CFAP20DC: variants seen among roughly 807,000 people sequenced by gnomAD.
The protein encoded by CFAP20DC is protein CFAP20DC.
In CFAP20DC, 84 loss-of-function variants were observed where a neutral mutation model predicts 101.7. That is an observed-to-expected ratio of 0.83 (90% confidence interval 0.69 to 0.99). CFAP20DC has a LOEUF of 0.99. Among genes scored for constraint, CFAP20DC ranks in the 50% least tolerant of loss-of-function variants. The pLI is 0.00. For synonymous variants in CFAP20DC, 359 were observed against 351.2 expected, an observed-to-expected ratio of 1.02 and a Z score of -0.25; for missense variants, 1,007 against 970.3, an observed-to-expected ratio of 1.04 and a Z score of -0.50.
intron 4 of CFAP20DC, among the ~76,000 whole-genome samples, chr3:58,992,859 G>A (rs1187621182): frequency 1.3e-5 from 2 of 151,904 alleles, no homozygotes; most frequent in East Asian, 3.9e-4. Context: ...AAAGGGGAAA[G>A]CTTATTTTAA....
intron 6 of CFAP20DC, among the ~76,000 whole-genome samples, chr3:58,893,718 C>CT (rs1265868869): frequency 6.6e-6 from 1 of 150,378 alleles, no homozygotes; most frequent in African/African-American, 2.4e-5. Context: ...GGTACCAGCT[C>CT]TTTTTTTGTA....
chr3:58,854,585 A>G (rs1259818448), intron 12 of CFAP20DC, among the ~76,000 whole-genome samples: 1 of 152,238 alleles, frequency 6.6e-6, no homozygotes, highest in East Asian at 1.9e-4. Flanking sequence ...AGTTCAAACT[A>G]TACTACAAGG....
intron 14 of CFAP20DC, among the ~76,000 whole-genome samples, chr3:58,816,834 G>A (rs934234652): frequency 4.6e-5 from 7 of 152,124 alleles, no homozygotes; most frequent in Non-Finnish European, 1.0e-4. Context: ...ACCTCTGGGG[G>A]CAGGGCACAG....
intron 4 of CFAP20DC, among the ~76,000 whole-genome samples, chr3:59,008,557 T>C (rs980548159): frequency 1.3e-5 from 2 of 152,150 alleles, no homozygotes; most frequent in African/African-American, 4.8e-5. Flanking sequence ...ATGTCCTTTG[T>C]AGGGACATGT....
chr3:58,807,080 T>A (rs2074140186), intron 14 of CFAP20DC, among the ~76,000 whole-genome samples: 1 of 152,156 alleles, frequency 6.6e-6, no homozygotes, highest in South Asian at 2.1e-4. Context: ...TCGACCTGGG[T>A]GGAGCCCACC....
intron 16 of CFAP20DC, among the ~76,000 whole-genome samples, chr3:58,745,640 T>C (rs58756548): frequency 0.083 from 12,678 of 152,262 alleles, 912 homozygotes; most frequent in East Asian, 0.36. Flanking sequence ...CACATAGTAG[T>C]TGTTTAATAA....
At chr3:58,890,318 C>G (rs1295835905) in intron 6 of CFAP20DC, among the ~76,000 whole-genome samples, 139 of 144,192 alleles carry the variant, frequency 9.6e-4, no homozygotes, top group Non-Finnish European at 3.4e-4. Context: ...GCTGACCCCC[C>G]CACCTCCCTC....
chr3:58,829,743 CTT>C (rs1367598020), intron 14 of CFAP20DC, among the ~76,000 whole-genome samples: 1 of 152,164 alleles, frequency 6.6e-6, no homozygotes, highest in Non-Finnish European at 1.5e-5. Flanking sequence ...ATGCAGGAGA[CTT>C]CAGTCCTTGC....
chr3:58,733,953 G>A (rs1355968562), intron 3 of CFAP20DC, among the ~76,000 whole-genome samples: 1 of 152,164 alleles, frequency 6.6e-6, no homozygotes, highest in Non-Finnish European at 1.5e-5. Flanking sequence ...CATGTGATAC[G>A]GTTTTGCTGT....
At chr3:58,939,940 T>C (rs1256557314) in intron 4 of CFAP20DC, among the ~76,000 whole-genome samples, 1 of 152,058 alleles carries the variant, frequency 6.6e-6, no homozygotes, top group African/African-American at 2.4e-5. Context: ...CTAATTTTTG[T>C]ATTTTTAGTA....
intron 15 of CFAP20DC, among the ~76,000 whole-genome samples, chr3:58,798,811 C>T (rs1481247230): frequency 1.3e-5 from 2 of 152,214 alleles, no homozygotes; most frequent in Non-Finnish European, 2.9e-5. Context: ...CCAGACAAGA[C>T]CCTCCACCAG....
chr3:58,986,093 A>T (rs2092740590), intron 4 of CFAP20DC, among the ~76,000 whole-genome samples: 1 of 152,232 alleles, frequency 6.6e-6, no homozygotes, highest in Non-Finnish European at 1.5e-5. Context: ...AACTGAGCTA[A>T]TGAATATTCC....
In CFAP20DC at chr3:58,859,974, C is replaced by G. The variant is rs770378832; in HGVS notation, c.1593+3584G>C. ...CAGGCAGATCACGAGGTCAGGAGAT[C>G]GAGACCATCCTGGCCAACATGGTGA... On this transcript the variant is annotated intron_variant, in intron 12 of 16. Transcript: ENST00000482387. The surrounding 1 kb of genome is among the most constrained non-coding windows in gnomAD (Gnocchi z 4.1). Among the ~76,000 whole-genome samples, 2 of 151,818 alleles carry G rather than the reference C, an allele frequency of 1.3e-5. No homozygotes were observed. The highest frequency in any genetic ancestry group is 1.5e-5 in the Non-Finnish European group (1 of 67,954).
intron 1 of CFAP20DC, among the ~76,000 whole-genome samples, chr3:59,047,888 T>C (rs765094473): frequency 5.1e-4 from 77 of 152,202 alleles, no homozygotes; most frequent in Non-Finnish European, 9.1e-4. Context: ...AACAGTTTAG[T>C]ACTGGTCAAT....
intron 4 of CFAP20DC, among the ~76,000 whole-genome samples, chr3:59,026,898 C>T (rs1346087070): frequency 6.6e-6 from 1 of 152,168 alleles, no homozygotes; most frequent in Non-Finnish European, 1.5e-5. Flanking sequence ...GAAGCATGTC[C>T]AATTTTCCAT....
chr3:58,939,752 C>A (rs1334692634), intron 4 of CFAP20DC, among the ~76,000 whole-genome samples: 1 of 149,126 alleles, frequency 6.7e-6, no homozygotes, highest in Non-Finnish European at 1.5e-5. Flanking sequence ...GTCACCGTGC[C>A]CGGCCCATTT....
chr3:58,730,550 T>A (rs1052238508), intron 3 of CFAP20DC, among the ~76,000 whole-genome samples: 5 of 152,142 alleles, frequency 3.3e-5, no homozygotes, highest in African/African-American at 1.2e-4. Context: ...CAGTAGGATC[T>A]CCTGACCATT....
intron 4 of CFAP20DC, among the ~76,000 whole-genome samples, chr3:59,026,162 T>C (rs1348584501): frequency 1.3e-5 from 2 of 152,140 alleles, no homozygotes; most frequent in East Asian, 1.9e-4. Flanking sequence ...TTTGACATAA[T>C]TAAAATAATG....
In CFAP20DC at chr3:58,869,970, A is replaced by T. The variant is rs1410633540; in HGVS notation, c.852+203T>A. ...CGAAAATGTTAATTATGTTGATATG[A>T]CAAAAAGGAAACACTTTTGAAGTCT... is the stretch of plus-strand genomic sequence containing the variant. On this transcript the variant is annotated intron_variant, in intron 8 of 16. Transcript: ENST00000482387. The surrounding 1 kb of genome is among the most constrained non-coding windows in gnomAD (Gnocchi z 4.3). Among the ~76,000 whole-genome samples the T allele has an allele frequency of 6.6e-6, 1 of 152,246 alleles. No individual in the cohort carries two copies. The highest frequency in any genetic ancestry group is 2.4e-5 in the African/African-American group (1 of 41,456).
Sources: allele counts gnomAD v4.1 joint callset (sites outside exome capture counted in the v4.1 genomes callset), GRCh38; gene constraint gnomAD v4.1.1; non-coding constraint Gnocchi (gnomAD v3.1); transcripts MANE v1.5; gene names NCBI Gene and HGNC (gene_info 2026-07-23, HGNC 2026-07-21).